Variants in LINS1 observed in about 807,000 individuals in gnomAD.
LINS1 encodes the protein lines homolog 1, also known as protein Lines homolog 1.
Under a neutral mutation model 41.6 loss-of-function variants are expected in LINS1, and 27 were observed. That is an observed-to-expected ratio of 0.65 (90% CI 0.48 to 0.89). The LOEUF is 0.89. Ranked by LOEUF, LINS1 falls within the 40% of genes least tolerant of loss-of-function variation. The pLI, the probability that LINS1 is intolerant of heterozygous loss-of-function variation, is 0.00. For missense variants in LINS1, 955 were observed against 884.1 expected, an observed-to-expected ratio of 1.08 and a Z score of -1.02; for synonymous variants, 336 against 312.9, an observed-to-expected ratio of 1.07 and a Z score of -0.78.
At chr15:100,589,417 G>A (rs921923663) in intron 1 of LINS1, among the ~76,000 whole-genome samples, 5 of 152,126 alleles carry the variant, frequency 3.3e-5, no homozygotes, top group Non-Finnish European at 7.3e-5. Flanking sequence ...TGAACTCCAC[G>A]ATCTAAGTCA....
intron 1 of LINS1, among the ~76,000 whole-genome samples, chr15:100,600,324 T>C (rs1245104261): frequency 6.6e-6 from 1 of 152,108 alleles, no homozygotes; most frequent in Non-Finnish European, 1.5e-5. Context: ...TCAGGCCTCC[T>C]TGACTCCTTG....
intron 1 of LINS1, chr15:100,596,799 T>C (rs1567102859): frequency 6.6e-6 from 1 of 152,192 alleles, no homozygotes. Flanking sequence ...CCTGCTGCAA[T>C]TGGTTAAATC....
At chr15:100,576,234 G>A (rs1567721132) in intron 3 of LINS1, among the ~76,000 whole-genome samples, 1 of 152,130 alleles carries the variant, frequency 6.6e-6, no homozygotes, top group Non-Finnish European at 1.5e-5. Flanking sequence ...ATGAATCCAG[G>A]AGCTGGTTTT....
chr15:100,574,232 T>C lies in LINS1; in HGVS notation c.641A>G (p.Lys214Arg). ...GGTGTCGAAATGAGTCAGGAACTGC[T>C]TTAGAATTTCTGCAATTATAAAAAT... ...DSCSQKTEIL[K>R]QFLTHFDTIF... is the part of the protein sequence containing the mutation. The change falls in exon 5 of 7, where the codon AAG (lysine) becomes AGG (arginine). Residue 214 changes from lysine (K) to arginine (R), a missense_variant. Coordinates refer to ENST00000314742, the MANE Select transcript of LINS1 (RefSeq NM_001040616.3). The C allele has an allele frequency of 6.3e-7, 1 of 1,592,570 alleles. No individual in the cohort carries two copies. The highest frequency in any genetic ancestry group is 8.6e-7 in the Non-Finnish European group (1 of 1,160,572).
chr15:100,580,394 T>C (rs771341626), intron 2 of LINS1, 42 bp from the exon 3 acceptor site: 1 of 1,605,994 alleles, frequency 6.2e-7, no homozygotes, highest in South Asian at 1.1e-5. Context: ...TGCTGAATGT[T>C]CTTAAAATTA....
At chr15:100,586,854 ATAAAG>A (rs1365710059) in intron 1 of LINS1, among the ~76,000 whole-genome samples, 2 of 152,174 alleles carry the variant, frequency 1.3e-5, no homozygotes, top group Non-Finnish European at 2.9e-5. Context: ...CTTGATTAAA[ATAAAG>A]TAAGTATTGT....
rs1195991447 is a variant in LINS1 at position 100,580,794 on chromosome 15, G to T, written c.49C>A (p.Leu17Ile). The T allele has an allele frequency of 6.2e-7, 1 of 1,610,652 alleles. No homozygotes were observed. The highest frequency in any genetic ancestry group is 1.3e-5 in the African/African-American group (1 of 74,836). The change falls in exon 2 of 7, where the codon CTT (leucine) becomes ATT (isoleucine). Residue 17 changes from leucine (L) to isoleucine (I), a missense_variant. Transcript: ENST00000314742. ...VLEELYKKVLLGATLENDSHD... is the reference protein window; with the variant it reads ...VLEELYKKVLIGATLENDSHD... ...CTGTCATTTTCAAGTGTGGCTCCAA[G>T]AAGTACCTTCTTGTATAACTCTTCT...
chr15:100,582,607 C>G (rs112612181), intron 1 of LINS1, among the ~76,000 whole-genome samples: 2 of 116,600 alleles, frequency 1.7e-5, no homozygotes, highest in African/African-American at 6.6e-5. Context: ...TACAACATGG[C>G]CCACTAGCCT....
At position 100,568,147 on chromosome 15, in the gene LINS1, TTAAA is replaced by T. The variant is rs1479022013; in HGVS notation, c.*1087_*1090del. ...CAATTTTAAATAGGAAAATTAGTGA[TTAAA>T]TTTTTTTTTAGAAAGAATCATGTTC... On this transcript the variant is annotated 3_prime_UTR_variant, in exon 7 of 7. Coordinates refer to ENST00000314742, the MANE Select transcript of LINS1 (RefSeq NM_001040616.3). The T allele has an allele frequency of 5.6e-5, 5 of 90,080 alleles. No individual in the cohort carries two copies. Among genetic ancestry groups the T allele is most frequent in the South Asian group, 3.5e-4 (1 of 2,846 alleles). 5.6% of individuals were successfully genotyped at this position (90,080 alleles called of 1,614,324 possible). A position where few individuals can be genotyped will look rare whatever the true frequency, so the allele number is the denominator to read the frequency against.
At chr15:100,592,087 C>T (rs1327100603) in intron 1 of LINS1, among the ~76,000 whole-genome samples, 11 of 152,204 alleles carry the variant, frequency 7.2e-5, no homozygotes, top group Admixed American at 7.2e-4. Context: ...TCTTCATTTA[C>T]ATAGGGCATA....
At position 100,574,308 on chromosome 15, in the gene LINS1, C is replaced by T. The variant is rs981028385; in HGVS notation, c.632-67G>A. 21 of 1,046,202 alleles carry T rather than the reference C, an allele frequency of 2.0e-5. No individual in the cohort carries two copies. In the African/African-American group the frequency reaches 3.3e-4, roughly 17 times the overall value. The allele number at this position is 1,046,202 out of a possible 1,614,324, so 64.8% of individuals were successfully genotyped here. A position where few individuals can be genotyped will look rare whatever the true frequency, so the allele number is the denominator to read the frequency against. On this transcript the variant is annotated intron_variant, in intron 4 of 6. Transcript: ENST00000314742. ...CTTCTTCAAACAATTTTACAATTCA[C>T]TTTTTATAAATATCACTTTTTAAGA...
At chr15:100,577,931 C>A (rs1268130322) in intron 3 of LINS1, among the ~76,000 whole-genome samples, 2 of 152,170 alleles carry the variant, frequency 1.3e-5, no homozygotes, top group African/African-American at 2.4e-5. Flanking sequence ...GGAAAGGATT[C>A]CCTATTTAAC....
At chr15:100,590,618 A>C (rs2038994076) in intron 1 of LINS1, among the ~76,000 whole-genome samples, 1 of 152,270 alleles carries the variant, frequency 6.6e-6, no homozygotes, top group South Asian at 2.1e-4. Context: ...TAACAGACTT[A>C]AAATTCTCTT....
At position 100,573,856 on chromosome 15, in the gene LINS1, A is replaced by G. The variant is rs1596889186; in HGVS notation, c.1017T>C (p.Asn339=). The G allele has an allele frequency of 3.7e-6, 6 of 1,614,278 alleles. No homozygotes were observed. Among genetic ancestry groups the G allele is most frequent in the Non-Finnish European group, 4.2e-6 (5 of 1,180,048 alleles). Residue 339 remains asparagine, a synonymous_variant, in exon 5 of 7, where the codon AAT becomes AAC. Transcript: ENST00000314742. ...CCGAATTCACAGCTTGCAAAACAGCATTAGCTAAAGCCAGCATGTCCACCG... is the reference window on the plus strand; with the variant it reads ...CCGAATTCACAGCTTGCAAAACAGCGTTAGCTAAAGCCAGCATGTCCACCG... The part of the protein sequence containing the change: ...HVAVDMLALA[N]AVLQAVNSGL...
chr15:100,589,358 T>C (rs1423960568), intron 1 of LINS1, among the ~76,000 whole-genome samples: 1 of 152,232 alleles, frequency 6.6e-6, no homozygotes, highest in East Asian at 1.9e-4. Flanking sequence ...TGTCAGATTT[T>C]CATGTTAAAT....
At chr15:100,579,301 G>T (rs928948465) in intron 3 of LINS1, among the ~76,000 whole-genome samples, 1 of 151,534 alleles carries the variant, frequency 6.6e-6, no homozygotes, top group African/African-American at 2.4e-5. Context: ...CTCCTCTTAG[G>T]TAGACTATAA....
At chr15:100,593,571 G>GT (rs2039131809) in intron 1 of LINS1, among the ~76,000 whole-genome samples, 1 of 108,932 alleles carries the variant, frequency 9.2e-6, no homozygotes, top group Non-Finnish European at 2.0e-5. Flanking sequence ...GGGGGGGGGG[G>GT]TGCTTAATTA....
At chr15:100,595,812 A>G (rs2039219201) in intron 1 of LINS1, among the ~76,000 whole-genome samples, 1 of 152,198 alleles carries the variant, frequency 6.6e-6, no homozygotes, top group Admixed American at 6.5e-5. Flanking sequence ...AGGCTACTTA[A>G]TCTATTTTGC....
chr15:100,588,823 C>T (rs984089409), intron 1 of LINS1, among the ~76,000 whole-genome samples: 2 of 152,104 alleles, frequency 1.3e-5, no homozygotes, highest in African/African-American at 2.4e-5. Context: ...TCAGAAAGTC[C>T]AAGCATGTGA....
Sources: gnomAD v4.1 joint callset for allele counts (sites outside exome capture counted in the v4.1 genomes callset) on GRCh38, gnomAD v4.1.1 for gene constraint, MANE v1.5 for transcripts, NCBI Gene and HGNC (gene_info 2026-07-23, HGNC 2026-07-21) for gene names.